The following DIAPH2 variants were observed in gnomAD, a reference collection of about 807,000 sequenced individuals.
The protein encoded by DIAPH2 is diaphanous related formin 2.
Under a neutral mutation model 92.7 loss-of-function variants are expected in DIAPH2, and 35 were observed. The ratio of observed to expected loss-of-function variants is 0.38; its 90% CI spans 0.29 to 0.50. DIAPH2 has a LOEUF of 0.50. Ranked by LOEUF, DIAPH2 falls within the 20% of genes least tolerant of loss-of-function variation. The pLI is 0.94. For missense variants in DIAPH2, 701 were observed against 819.5 expected, an observed-to-expected ratio of 0.86 and a Z score of 1.77; for synonymous variants, 301 against 280.4, an observed-to-expected ratio of 1.07 and a Z score of -0.73.
At chrX:96,820,813 G>A (rs576582942) in intron 4 of DIAPH2, among the ~76,000 whole-genome samples, 3 of 111,553 alleles carry the variant, frequency 2.7e-5, no homozygotes, top group Admixed American at 9.6e-5. Flanking sequence ...TGGAGAGAAA[G>A]TGCTATAAAA....
chrX:97,161,007 C>G (rs1016915774), intron 22 of DIAPH2, among the ~76,000 whole-genome samples: 1 of 108,324 alleles, frequency 9.2e-6, no homozygotes, highest in Non-Finnish European at 1.9e-5. Context: ...AACTTTCTTG[C>G]AAACCACATT....
chrX:97,208,136 C>T (rs928410807), intron 22 of DIAPH2, among the ~76,000 whole-genome samples: 4 of 111,450 alleles, frequency 3.6e-5, no homozygotes, highest in Non-Finnish European at 7.5e-5. Flanking sequence ...GACTCTGTCT[C>T]CCCCCTGCAA....
At chrX:97,454,196 C>T (rs12687602) in intron 26 of DIAPH2, among the ~76,000 whole-genome samples, 45,733 of 109,140 alleles carry the variant, frequency 0.42, 8,092 homozygotes, top group Non-Finnish European at 0.56. Context: ...TTTCACCGTC[C>T]AGCAAATGGG....
chrX:96,724,101 T>C (rs908037326), intron 1 of DIAPH2, among the ~76,000 whole-genome samples: 3 of 109,614 alleles, frequency 2.7e-5, no homozygotes, highest in Non-Finnish European at 5.7e-5. Context: ...TTTTTTTGTA[T>C]TTTTAGCAGA....
intron 4 of DIAPH2, among the ~76,000 whole-genome samples, chrX:96,800,359 G>A (rs972361866): frequency 1.1e-4 from 12 of 111,620 alleles, no homozygotes; most frequent in Admixed American, 9.5e-5. Flanking sequence ...TTTCATTCTA[G>A]GTAGCACTAT....
intron 4 of DIAPH2, among the ~76,000 whole-genome samples, chrX:96,771,626 T>A (rs896488757): frequency 8.9e-6 from 1 of 111,929 alleles, no homozygotes; most frequent in African/African-American, 3.2e-5. Context: ...GTTGCCATTA[T>A]AAAACTTAAA....
intron 17 of DIAPH2, among the ~76,000 whole-genome samples, chrX:96,972,468 G>A (rs986834859): frequency 9.0e-6 from 1 of 111,290 alleles, no homozygotes; most frequent in Admixed American, 9.6e-5. Context: ...GGAAAGAATG[G>A]ATGTCTTGTT....
chrX:97,068,601 G>A (rs766742982), intron 17 of DIAPH2, among the ~76,000 whole-genome samples: 8 of 111,034 alleles, frequency 7.2e-5, no homozygotes, highest in South Asian at 3.8e-4. Context: ...TAGATTTCCC[G>A]TACCTTTCAT....
At chrX:97,169,773 TG>T (rs904183794) in intron 22 of DIAPH2, among the ~76,000 whole-genome samples, 11 of 110,096 alleles carry the variant, frequency 1.0e-4, no homozygotes, top group African/African-American at 3.6e-4. Context: ...GAGGTTGAAG[TG>T]GGAGGATCAC....
chrX:96,793,747 C>T, intron 4 of DIAPH2: 1 of 293,542 alleles, frequency 3.4e-6, no homozygotes, highest in Non-Finnish European at 6.5e-6. Flanking sequence ...CCTCCTAATA[C>T]AATCACATTG....
chrX:97,072,335 A>G (rs2066675036), intron 17 of DIAPH2, among the ~76,000 whole-genome samples: 1 of 112,224 alleles, frequency 8.9e-6, no homozygotes. Context: ...AGCAAATAGT[A>G]TTTTTCAAAT....
At chrX:96,857,088 A>T (rs1306532922) in intron 4 of DIAPH2, among the ~76,000 whole-genome samples, 2 of 110,978 alleles carry the variant, frequency 1.8e-5, no homozygotes, top group Non-Finnish European at 3.8e-5. Context: ...TGATATTACT[A>T]ATGTTATGAA....
chrX:96,706,492 A>G (rs768317971), intron 1 of DIAPH2, among the ~76,000 whole-genome samples: 1 of 112,181 alleles, frequency 8.9e-6, no homozygotes, highest in South Asian at 3.7e-4. Context: ...GAGGAGGAAG[A>G]TTAGGATTTA....
chrX:96,896,750 A>C (rs185229457), intron 5 of DIAPH2, among the ~76,000 whole-genome samples: 199 of 112,254 alleles, frequency 1.8e-3, no homozygotes, highest in African/African-American at 6.2e-3. Context: ...CATATCTTTT[A>C]GGTGTAGCTA....
chrX:97,526,183 C>G (rs1438114327), intron 26 of DIAPH2, among the ~76,000 whole-genome samples: 1 of 110,681 alleles, frequency 9.0e-6, no homozygotes, highest in African/African-American at 3.3e-5. Context: ...CAAAAATGAC[C>G]TCAAGCAGGA....
intron 20 of DIAPH2, among the ~76,000 whole-genome samples, chrX:97,100,225 G>A (rs780760330): frequency 1.4e-4 from 16 of 110,914 alleles, no homozygotes; most frequent in Admixed American, 2.9e-4. Context: ...GGTATATGTC[G>A]TGTCAGAAAA....
intron 17 of DIAPH2, among the ~76,000 whole-genome samples, chrX:96,980,083 C>T (rs2065985393): frequency 1.8e-5 from 2 of 111,427 alleles, no homozygotes; most frequent in African/African-American, 6.5e-5. Flanking sequence ...CGCTTATAGC[C>T]ATCTGCAGAT....
At position 96,930,947 on chromosome X, in the gene DIAPH2, T is replaced by C. The variant is rs973479151; in HGVS notation, c.1089+104T>C. The C allele has an allele frequency of 3.3e-6, 3 of 898,341 alleles. No homozygotes were observed. The African/African-American group carries it at 6.2e-5, about 19-fold the overall frequency. 74.0% of individuals were successfully genotyped at this position (898,341 alleles called of 1,213,427 possible). ...TAAATAAATGTGCTTTGCTATTTTG[T>C]TTTGTAAAGCATTAGACATTTTGTA... On this transcript the variant is annotated intron_variant, in intron 10 of 26. Transcript: ENST00000324765.
intron 23 of DIAPH2, among the ~76,000 whole-genome samples, chrX:97,327,277 T>G (rs2068959682): frequency 9.2e-6 from 1 of 109,198 alleles, no homozygotes; most frequent in Admixed American, 9.9e-5. Flanking sequence ...TTTTGTATTT[T>G]TAGTAGAGAC....
Sources: allele counts gnomAD v4.1 joint callset (sites outside exome capture counted in the v4.1 genomes callset), GRCh38; gene constraint gnomAD v4.1.1; transcripts MANE v1.5; gene names NCBI Gene and HGNC (gene_info 2026-07-23, HGNC 2026-07-21).